AEBP2: variants seen among roughly 807,000 people sequenced by gnomAD.
The protein encoded by AEBP2 is AE binding protein 2, also known as zinc finger protein AEBP2.
AEBP2 carries 10 observed loss-of-function variants against 50.8 expected under a neutral mutation model. That is an observed-to-expected ratio of 0.20 (90% CI 0.12 to 0.33). AEBP2 has a LOEUF of 0.33. Among genes scored for constraint, AEBP2 ranks in the 10% least tolerant of loss-of-function variants. The pLI, the probability that AEBP2 is intolerant of heterozygous loss-of-function variation, is 1.00. For synonymous variants in AEBP2, 296 were observed against 261.3 expected (o/e 1.13, Z -1.28); for missense variants, 570 against 688.0 (o/e 0.83, Z 1.92).
chr12:19,497,932 A>T (rs1949012289), intron 4 of AEBP2, among the ~76,000 whole-genome samples: 1 of 152,212 alleles, frequency 6.6e-6, no homozygotes, highest in African/African-American at 2.4e-5. Context: ...TGAAGAAATT[A>T]ACAAGGGTAT....
chr12:19,458,939 T>C (rs1437136091), intron 1 of AEBP2, among the ~76,000 whole-genome samples: 1 of 152,224 alleles, frequency 6.6e-6, no homozygotes, highest in Non-Finnish European at 1.5e-5. Flanking sequence ...CCTCCCCAAC[T>C]TAGGTATGCA....
intron 3 of AEBP2, among the ~76,000 whole-genome samples, chr12:19,488,871 C>A (rs950250059): frequency 3.3e-5 from 5 of 152,128 alleles, no homozygotes; most frequent in African/African-American, 1.2e-4. Flanking sequence ...CTCACCACAA[C>A]CTCCGCCTCC....
At chr12:19,510,084 A>C (rs562865132) in intron 5 of AEBP2, among the ~76,000 whole-genome samples, 1 of 151,938 alleles carries the variant, frequency 6.6e-6, no homozygotes, top group African/African-American at 2.4e-5. Flanking sequence ...CTGCCCACCT[A>C]TCACTTGTTT....
At chr12:19,473,214 A>T in intron 2 of AEBP2, 34 bp from the exon 3 acceptor site, 1 of 1,104,708 alleles carries the variant, frequency 9.1e-7, no homozygotes, top group Admixed American at 3.4e-5. Flanking sequence ...GAGATAAGTC[A>T]TGAAAATTAA....
At position 19,439,547 on chromosome 12, in the gene AEBP2, G is replaced by A. The variant is rs1293035392; in HGVS notation, c.-153G>A. ...CCTGTCCCCGCGCGGGCTCCGTAGC[G>A]CGTGTGCAGGCTGACGCAGCTCGCG... is the stretch of plus-strand genomic sequence containing the variant. On this transcript the variant is annotated 5_prime_UTR_variant, in exon 1 of 8. Coordinates refer to ENST00000266508, the MANE Select transcript of AEBP2 (RefSeq NM_153207.5). The A allele has an allele frequency of 2.0e-6, 2 of 1,005,142 alleles. No homozygotes were observed. The highest frequency in any genetic ancestry group is 1.7e-5 in the African/African-American group (1 of 57,544). The allele number at this position is 1,005,142 out of a possible 1,614,324, so 62.3% of individuals were successfully genotyped here. A position where few individuals can be genotyped will look rare whatever the true frequency, so the allele number is the denominator to read the frequency against.
chr12:19,505,760 ATTTTG>A (rs1350020863), intron 5 of AEBP2, among the ~76,000 whole-genome samples: 1 of 151,226 alleles, frequency 6.6e-6, no homozygotes, highest in Non-Finnish European at 1.5e-5. Flanking sequence ...GCATGGTCTG[ATTTTG>A]TTTGTTTGTT....
chr12:19,423,064 C>CAAAAAAAAAAAAAAAAA (rs751550689), intron 1 of AEBP2, among the ~76,000 whole-genome samples: 1 of 35,034 alleles, frequency 2.9e-5, no homozygotes, highest in Non-Finnish European at 4.3e-5. Context: ...GACTCTGTCT[C>CAAAAAAAAAAAAAAAAA]AAAAAAAAAA....
At chr12:19,482,931 C>G (rs1383089599) in intron 3 of AEBP2, among the ~76,000 whole-genome samples, 1 of 152,128 alleles carries the variant, frequency 6.6e-6, no homozygotes, top group African/African-American at 2.4e-5. Context: ...TGAAGCCACT[C>G]TCACTCCCTT....
upstream of AEBP2, among the ~76,000 whole-genome samples, chr12:19,439,491 C>T (rs907055499): frequency 3.3e-5 from 5 of 151,930 alleles, no homozygotes; most frequent in Middle Eastern, 3.4e-3. Flanking sequence ...AGGCGCGCAG[C>T]AGTCTCCGTG....
intron 1 of AEBP2, chr12:19,456,805 C>G (rs1054401402): frequency 6.4e-7 from 1 of 1,563,960 alleles, no homozygotes; most frequent in Non-Finnish European, 8.8e-7. Context: ...AAGGTGACCA[C>G]CATACCAGGT....
chr12:19,518,047 A>G, intron 7 of AEBP2, 40 bp from the exon 8 acceptor site: 5 of 1,565,902 alleles, frequency 3.2e-6, no homozygotes, highest in African/African-American at 1.4e-5. Context: ...AATGTGTTTG[A>G]TTCAGTTGAA....
At chr12:19,429,704 T>A (rs1181775586) in intron 1 of AEBP2, among the ~76,000 whole-genome samples, 1 of 152,246 alleles carries the variant, frequency 6.6e-6, no homozygotes, top group Non-Finnish European at 1.5e-5. Flanking sequence ...ATTGTGGTTT[T>A]GATTTGCATT....
At chr12:19,463,159 CAT>C (rs1948408103) in intron 2 of AEBP2, among the ~76,000 whole-genome samples, 1 of 152,084 alleles carries the variant, frequency 6.6e-6, no homozygotes, top group South Asian at 2.1e-4. Flanking sequence ...AACCTGAACT[CAT>C]TATTTGTGAG....
At position 19,409,338 on chromosome 12, in the gene AEBP2, C is replaced by T. The variant is rs1417144578; in HGVS notation, c.-17+5122C>T. On this transcript the variant is annotated intron_variant, in intron 1 of 3. Transcript: ENST00000538425. The stretch of plus-strand genomic sequence containing the variant: ...TAAGGTTGAATCAACTTTCTGCCTT[C>T]AGCATTTGTGCTAAAAAAAAAAAAA... Among the ~76,000 whole-genome samples the T allele has an allele frequency of 4.1e-5, 5 of 121,842 alleles. No homozygotes were observed. In the South Asian group the frequency reaches 8.4e-4, roughly 20 times the overall value. 79.9% of individuals were successfully genotyped at this position (121,842 alleles called of 152,430 possible).
At chr12:19,438,709 C>T (rs1404552050), upstream of AEBP2, among the ~76,000 whole-genome samples, 1 of 151,984 alleles carries the variant, frequency 6.6e-6, no homozygotes, top group Non-Finnish European at 1.5e-5. Flanking sequence ...CAAAATAGTT[C>T]AAATATAAAA....
chr12:19,463,329 G>C (rs370614702), intron 2 of AEBP2, among the ~76,000 whole-genome samples: 1 of 152,164 alleles, frequency 6.6e-6, no homozygotes, highest in Non-Finnish European at 1.5e-5. Flanking sequence ...AGCAAATTGG[G>C]TAAGCCAAAA....
At chr12:19,461,378 C>T (rs538028181) in intron 1 of AEBP2, among the ~76,000 whole-genome samples, 2 of 152,116 alleles carry the variant, frequency 1.3e-5, no homozygotes, top group South Asian at 4.2e-4. Context: ...AATTTTTGAG[C>T]ATTTTGACCA....
At chr12:19,463,002 G>A (rs906464631) in intron 2 of AEBP2, among the ~76,000 whole-genome samples, 15 of 152,180 alleles carry the variant, frequency 9.9e-5, no homozygotes, top group African/African-American at 3.6e-4. Flanking sequence ...GTGTATTCCA[G>A]GGTTCTGATG....
rs553521514 is a variant in AEBP2 at position 19,518,912 on chromosome 12, A to G, written c.*795A>G. 11 of 368,908 alleles carry G rather than the reference A, an allele frequency of 3.0e-5. No homozygotes were observed. In the Admixed American group the frequency reaches 4.7e-4, roughly 16 times the overall value. 22.9% of individuals were successfully genotyped at this position (368,908 alleles called of 1,614,324 possible). A position where few individuals can be genotyped will look rare whatever the true frequency, so the allele number is the denominator to read the frequency against. On this transcript the variant is annotated 3_prime_UTR_variant, in exon 8 of 8. Transcript: ENST00000266508. ...AAAAACCTTTCAAATTATTTGAATAATCTTCATATTTTCATTTAACCTATA... is the reference window on the plus strand; with the variant it reads ...AAAAACCTTTCAAATTATTTGAATAGTCTTCATATTTTCATTTAACCTATA...
Sources: allele counts gnomAD v4.1 joint callset (sites outside exome capture counted in the v4.1 genomes callset), GRCh38; gene constraint gnomAD v4.1.1; transcripts MANE v1.5; gene names NCBI Gene and HGNC (gene_info 2026-07-23, HGNC 2026-07-21).